The following HACL1 variants were observed in gnomAD, a reference collection of about 807,000 sequenced individuals.
The protein encoded by HACL1 is 1600020H07Rik.
In HACL1, 64 loss-of-function variants were observed where a neutral mutation model predicts 74.2. The observed-to-expected ratio is 0.86, with a 90% CI of 0.70 to 1.06. The LOEUF (loss-of-function observed/expected upper bound fraction) is 1.06. Among genes scored for constraint, HACL1 ranks in the 50% least tolerant of loss-of-function variants. The probability of loss-of-function intolerance (pLI) is 0.00; values close to 1 mark genes in which losing one functional copy is unlikely to be tolerated. For missense variants in HACL1, 728 were observed against 719.7 expected (o/e 1.01, Z -0.13); for synonymous variants, 230 against 238.8 (o/e 0.96, Z 0.34).
chr3:15,584,346 T>C (rs2063757786), intron 7 of HACL1, among the ~76,000 whole-genome samples: 1 of 152,282 alleles, frequency 6.6e-6, no homozygotes, highest in African/African-American at 2.4e-5. Context: ...TCCCAGCACT[T>C]TGTGAGGCCG....
At position 15,570,823 on chromosome 3, in the gene HACL1, T is replaced by C. The variant is rs548153651; in HGVS notation, c.1095+845A>G. On this transcript the variant is annotated intron_variant, in intron 12 of 16. Coordinates refer to ENST00000321169, the MANE Select transcript of HACL1 (RefSeq NM_012260.4). Reference sequence around the variant, plus strand: ...AAAATTTCCAGCAGTGATAAAAATGTTAAATAAAAAAGAAGGCTATACATT... The same window carrying C: ...AAAATTTCCAGCAGTGATAAAAATGCTAAATAAAAAAGAAGGCTATACATT... Among the ~76,000 whole-genome samples, 9 of 152,122 alleles carry C rather than the reference T, an allele frequency of 5.9e-5. No individual in the cohort carries two copies. In the East Asian group the frequency reaches 1.7e-3, roughly 29 times the overall value.
intron 4 of HACL1, among the ~76,000 whole-genome samples, chr3:15,590,898 T>C (rs898796543): frequency 1.3e-5 from 2 of 152,180 alleles, no homozygotes; most frequent in African/African-American, 2.4e-5. Context: ...CTGGCCAGCA[T>C]GGTGAAACCT....
At chr3:15,562,943 C>T (rs1401533187) in intron 16 of HACL1, among the ~76,000 whole-genome samples, 1 of 150,234 alleles carries the variant, frequency 6.7e-6, no homozygotes, top group Non-Finnish European at 1.5e-5. Flanking sequence ...GCTTATCCTT[C>T]TGATCTCCGT....
At position 15,585,358 on chromosome 3, in the gene HACL1, G is replaced by A. The variant is rs765064379; in HGVS notation, c.460-16C>T. On this transcript the variant is annotated splice_polypyrimidine_tract_variant and intron_variant, in intron 6 of 16. Transcript: ENST00000321169. ...TTCTCACTGCCTACGTTCATTACAA[G>A]TAGAAGAAAAGATTTGTAAAATCTC... is the stretch of plus-strand genomic sequence containing the variant. 1 of 1,404,562 alleles carries A rather than the reference G, an allele frequency of 7.1e-7. No individual in the cohort carries two copies. The highest frequency in any genetic ancestry group is 1.0e-6 in the Non-Finnish European group (1 of 994,488). 87.0% of individuals were successfully genotyped at this position (1,404,562 alleles called of 1,614,324 possible).
chr3:15,564,457 C>A, intron 15 of HACL1, 94 bp downstream of exon 15: 1 of 672,850 alleles, frequency 1.5e-6, no homozygotes, highest in South Asian at 1.6e-5. Context: ...ATACTCATAC[C>A]ATGTAGGCAC....
intron 9 of HACL1, among the ~76,000 whole-genome samples, chr3:15,575,926 G>C (rs117415127): frequency 0.023 from 3,561 of 151,846 alleles, 221 homozygotes; most frequent in Admixed American, 0.12. Flanking sequence ...GGGAGGCAGA[G>C]ATAGGTGGAT....
intron 3 of HACL1, among the ~76,000 whole-genome samples, chr3:15,593,162 CGTATATATGTGT>C (rs1184611804): frequency 1.4e-5 from 2 of 147,766 alleles, no homozygotes; most frequent in Non-Finnish European, 3.0e-5. Flanking sequence ...TACACACATA[CGTATATATGTGT>C]GTATATATAC....
At chr3:15,561,727 T>C (rs1283310591) in intron 16 of HACL1, among the ~76,000 whole-genome samples, 1 of 151,948 alleles carries the variant, frequency 6.6e-6, no homozygotes, top group African/African-American at 2.4e-5. Flanking sequence ...GTCACCCAGA[T>C]TGGAGTGCAG....
At chr3:15,567,588 AT>A (rs941858035) in intron 14 of HACL1, among the ~76,000 whole-genome samples, 8 of 151,710 alleles carry the variant, frequency 5.3e-5, no homozygotes, top group African/African-American at 1.7e-4. Flanking sequence ...AGTCCCCAAC[AT>A]TTTTTTCTCA....
chr3:15,571,782 AAAAC>A lies in HACL1; in HGVS notation c.994-17_994-14del. The A allele has an allele frequency of 3.3e-6, 3 of 918,384 alleles. No homozygotes were observed. Among genetic ancestry groups the A allele is most frequent in the Non-Finnish European group, 5.2e-6 (3 of 577,356 alleles). 56.9% of individuals were successfully genotyped at this position (918,384 alleles called of 1,614,324 possible). The stretch of plus-strand genomic sequence containing the variant: ...GTTCCTCTAAAAGCTTAAAAAAAAA[AAAAC>A]ACACACACACAAACACATAAACTTT... On this transcript the variant is annotated splice_polypyrimidine_tract_variant and intron_variant, in intron 11 of 16. Transcript: ENST00000321169.
chr3:15,588,523 G>A (rs1028105933), intron 5 of HACL1, among the ~76,000 whole-genome samples: 2 of 152,054 alleles, frequency 1.3e-5, no homozygotes, highest in Admixed American at 6.6e-5. Context: ...AGCCTAGGAG[G>A]TAAAGGCTGC....
rs1213174963 is a variant in HACL1 at position 15,560,972 on chromosome 3, T to C, written c.1705-75A>G. ...AATTATATCCTCATTGTTTCACTTG[T>C]TCTAAAACCTAAAAGTCCTACACAA... On this transcript the variant is annotated intron_variant, in intron 16 of 16. Coordinates refer to ENST00000321169, the MANE Select transcript of HACL1 (RefSeq NM_012260.4). The C allele has an allele frequency of 6.1e-6, 7 of 1,146,330 alleles. No individual in the cohort carries two copies. In the East Asian group the frequency reaches 1.4e-4, roughly 23 times the overall value. The allele number at this position is 1,146,330 out of a possible 1,614,324, so 71.0% of individuals were successfully genotyped here. A position where few individuals can be genotyped will look rare whatever the true frequency, so the allele number is the denominator to read the frequency against.
intron 2 of HACL1, among the ~76,000 whole-genome samples, chr3:15,598,941 C>T (rs139844797): frequency 0.023 from 3,439 of 146,784 alleles, 55 homozygotes; most frequent in Non-Finnish European, 0.036. Flanking sequence ...CCTCTATATT[C>T]CCAGTCTCAG....
chr3:15,561,956 C>T (rs1197782532), intron 16 of HACL1, among the ~76,000 whole-genome samples: 4 of 152,108 alleles, frequency 2.6e-5, no homozygotes, highest in South Asian at 2.1e-4. Context: ...CTGGGATTAC[C>T]GTGCCCAGCC....
At chr3:15,565,773 C>T (rs2063424405) in intron 14 of HACL1, among the ~76,000 whole-genome samples, 1 of 152,134 alleles carries the variant, frequency 6.6e-6, no homozygotes, top group Admixed American at 6.5e-5. Flanking sequence ...CTCTAACAGA[C>T]ACATACAGTC....
chr3:15,596,096 AAGTGTGCTGGGGT>A, intron 3 of HACL1: 1 of 293,564 alleles, frequency 3.4e-6, no homozygotes, highest in Non-Finnish European at 6.4e-6. Context: ...TTTTTGTATT[AAGTGTGCTGGGGT>A]AGTTGTGAGA....
At chr3:15,592,196 A>ACATGCATG (rs2063928026) in intron 3 of HACL1, among the ~76,000 whole-genome samples, 1 of 150,394 alleles carries the variant, frequency 6.6e-6, no homozygotes, top group African/African-American at 2.4e-5. Flanking sequence ...ACATACGTAT[A>ACATGCATG]TATGTATACA....
intron 15 of HACL1, among the ~76,000 whole-genome samples, chr3:15,563,775 G>A (rs925476038): frequency 7.9e-5 from 12 of 152,144 alleles, no homozygotes; most frequent in African/African-American, 2.7e-4. Context: ...TTAAACCTGT[G>A]CCATCCAAGA....
Position 15,564,600 on chromosome 3 carries a change from C to A in HACL1, c.1468G>T (p.Asp490Tyr), listed in dbSNP as rs752598573. The A allele has an allele frequency of 2.5e-6, 4 of 1,582,092 alleles. No individual in the cohort carries two copies. The highest frequency in any genetic ancestry group is 3.5e-6 in the Non-Finnish European group (4 of 1,153,618). ...AACATTTCTTTCCAAGTATCTGTAT[C>A]AAAACCTTGGTAAATTCCATTGTTA... ...VNNNGIYQGF[D>Y]TDTWKEMLKF... Residue 490 changes from aspartate to tyrosine, a missense_variant, in exon 15 of 17, where the codon GAT becomes TAT. Transcript: ENST00000321169.
Sources: gnomAD v4.1 joint callset for allele counts (sites outside exome capture counted in the v4.1 genomes callset) on GRCh38, gnomAD v4.1.1 for gene constraint, MANE v1.5 for transcripts, NCBI Gene and HGNC (gene_info 2026-07-23, HGNC 2026-07-21) for gene names.